The following NSG2 variants were observed in gnomAD, a reference collection of about 807,000 sequenced individuals.
NSG2 encodes the protein neuronal vesicle trafficking-associated protein 2.
NSG2 carries 4 observed loss-of-function variants against 16.9 expected under a neutral mutation model. The ratio of observed to expected loss-of-function variants is 0.24; its 90% CI spans 0.12 to 0.54. The LOEUF is 0.54. Among genes scored for constraint, NSG2 ranks in the 20% least tolerant of loss-of-function variants. The probability of loss-of-function intolerance (pLI) is 0.95; values close to 1 mark genes in which losing one functional copy is unlikely to be tolerated. For missense variants in NSG2, 179 were observed against 221.1 expected (o/e 0.81, Z 1.21); for synonymous variants, 98 against 88.7 (o/e 1.11, Z -0.59).
intron 2 of NSG2, among the ~76,000 whole-genome samples, chr5:174,057,471 A>G (rs1259583927): frequency 6.7e-6 from 1 of 148,490 alleles, no homozygotes. Flanking sequence ...TTCTGGCTCT[A>G]CTCCACAGGA....
chr5:174,076,191 G>T (rs1342705784), intron 3 of NSG2, among the ~76,000 whole-genome samples: 1 of 152,230 alleles, frequency 6.6e-6, no homozygotes, highest in Non-Finnish European at 1.5e-5. Flanking sequence ...TGATGATGGT[G>T]CTTGGGATGT....
intron 3 of NSG2, among the ~76,000 whole-genome samples, chr5:174,103,720 G>A (rs1052125749): frequency 2.0e-5 from 3 of 152,196 alleles, no homozygotes; most frequent in African/African-American, 7.2e-5. Flanking sequence ...GCCGAAGCAG[G>A]TGGATCACCT....
intron 3 of NSG2, among the ~76,000 whole-genome samples, chr5:174,096,272 C>T (rs1474982322): frequency 6.6e-6 from 1 of 152,186 alleles, no homozygotes; most frequent in Non-Finnish European, 1.5e-5. Context: ...TCTTGAAGAG[C>T]TGTGATCAGA....
chr5:174,096,381 T>G (rs1015935637), intron 3 of NSG2, among the ~76,000 whole-genome samples: 1 of 151,844 alleles, frequency 6.6e-6, no homozygotes, highest in Admixed American at 6.6e-5. Context: ...CTTGACAGGC[T>G]GAGGAGTGGG....
intron 2 of NSG2, among the ~76,000 whole-genome samples, chr5:174,048,088 G>A (rs1238606899): frequency 1.3e-5 from 2 of 152,188 alleles, no homozygotes; most frequent in Non-Finnish European, 2.9e-5. Flanking sequence ...GGGGTGGGGT[G>A]GCAGACAGAG....
chr5:174,093,139 T>C (rs1018864457), intron 3 of NSG2, among the ~76,000 whole-genome samples: 2 of 152,174 alleles, frequency 1.3e-5, no homozygotes, highest in Non-Finnish European at 2.9e-5. Flanking sequence ...CCCTCACATA[T>C]GTAAGGTCTT....
intron 2 of NSG2, among the ~76,000 whole-genome samples, chr5:174,048,315 G>A (rs1449614537): frequency 6.6e-6 from 1 of 152,196 alleles, no homozygotes; most frequent in Non-Finnish European, 1.5e-5. Context: ...TTGTATCAGA[G>A]TCTCTGAGAG....
chr5:174,067,437 G>A (rs1393271071), intron 3 of NSG2, among the ~76,000 whole-genome samples: 2 of 152,104 alleles, frequency 1.3e-5, no homozygotes, highest in East Asian at 1.9e-4. Context: ...CAGGGACCAG[G>A]GCCTGTAGAA....
intron 4 of NSG2, among the ~76,000 whole-genome samples, chr5:174,106,582 C>A (rs1447032228): frequency 1.5e-5 from 2 of 130,964 alleles, no homozygotes; most frequent in African/African-American, 6.2e-5. Context: ...AGGAATGAAG[C>A]CTTTTTTTTT....
At chr5:174,057,656 C>T (rs1193776615) in intron 2 of NSG2, among the ~76,000 whole-genome samples, 1 of 152,176 alleles carries the variant, frequency 6.6e-6, no homozygotes, top group South Asian at 2.1e-4. Flanking sequence ...TATAATCATT[C>T]CTCAGCTCTT....
chr5:174,056,971 A>T (rs1759976303), intron 2 of NSG2, among the ~76,000 whole-genome samples: 1 of 152,268 alleles, frequency 6.6e-6, no homozygotes, highest in African/African-American at 2.4e-5. Flanking sequence ...TGAATAATTT[A>T]TCCCATTTTC....
chr5:174,093,868 T>G (rs984694042), intron 3 of NSG2, among the ~76,000 whole-genome samples: 1 of 152,180 alleles, frequency 6.6e-6, no homozygotes, highest in East Asian at 1.9e-4. Flanking sequence ...GTTAATGAAG[T>G]TCATGTTTCC....
Position 174,108,272 on chromosome 5 carries a change from G to GATACGGCCAC in NSG2, c.*767_*768insATACGGCCAC. The GATACGGCCAC allele has an allele frequency of 6.4e-6, 1 of 155,610 alleles. No individual in the cohort carries two copies. Among genetic ancestry groups the GATACGGCCAC allele is most frequent in the Admixed American group, 6.2e-5 (1 of 16,136 alleles). The allele number at this position is 155,610 out of a possible 1,614,324, so 9.6% of individuals were successfully genotyped here. On this transcript the variant is annotated 3_prime_UTR_variant, in exon 5 of 5. Transcript: ENST00000303177. ...GGCAGATTTTCTTTGTCTTTTGCTT[G>GATACGGCCAC]CATTTTCTAGATCCACACCTGGATA... is the stretch of plus-strand genomic sequence containing the variant.
chr5:174,098,813 G>C (rs1760853074), intron 3 of NSG2, among the ~76,000 whole-genome samples: 1 of 152,160 alleles, frequency 6.6e-6, no homozygotes, highest in African/African-American at 2.4e-5. Flanking sequence ...AGGGGAGACG[G>C]GTGCAGAGAG....
intron 3 of NSG2, among the ~76,000 whole-genome samples, chr5:174,089,361 G>T (rs1197577111): frequency 6.6e-6 from 1 of 152,166 alleles, no homozygotes; most frequent in African/African-American, 2.4e-5. Context: ...GCAGTCCAAA[G>T]TGTACGCCGC....
At chr5:174,103,493 C>T (rs1467740164) in intron 3 of NSG2, among the ~76,000 whole-genome samples, 2 of 152,008 alleles carry the variant, frequency 1.3e-5, no homozygotes, top group South Asian at 4.2e-4. Flanking sequence ...CAAGTAGAGG[C>T]GAAAGAAGCA....
Position 174,107,242 on chromosome 5 carries a change from G to C in NSG2, c.325-72G>C. On this transcript the variant is annotated intron_variant, in intron 4 of 4. Transcript: ENST00000303177. The surrounding 1 kb of genome is among the most constrained non-coding windows in gnomAD (Gnocchi z 4.5). ...CCCGATGCAGCTGCACTCCAGTCAG[G>C]GTGGCTGTGTTGCTGGGCAGGTTGG... 2 of 1,368,834 alleles carry C rather than the reference G, an allele frequency of 1.5e-6. No homozygotes were observed. Among genetic ancestry groups the C allele is most frequent in the Non-Finnish European group, 2.0e-6 (2 of 1,006,980 alleles). The allele number at this position is 1,368,834 out of a possible 1,614,324, so 84.8% of individuals were successfully genotyped here.
chr5:174,071,175 C>G (rs921367953), intron 3 of NSG2, among the ~76,000 whole-genome samples: 1 of 152,124 alleles, frequency 6.6e-6, no homozygotes, highest in African/African-American at 2.4e-5. Flanking sequence ...TGAGGTGGGA[C>G]CAAGAACTGG....
chr5:174,052,975 A>G (rs908105272), intron 2 of NSG2, among the ~76,000 whole-genome samples: 3 of 152,216 alleles, frequency 2.0e-5, no homozygotes, highest in Non-Finnish European at 2.9e-5. Context: ...GGAGGAGGTC[A>G]CTTACCTGCT....
Sources: gnomAD v4.1 joint callset for allele counts (sites outside exome capture counted in the v4.1 genomes callset) on GRCh38, gnomAD v4.1.1 for gene constraint, Gnocchi (gnomAD v3.1) non-coding constraint, MANE v1.5 for transcripts, NCBI Gene and HGNC (gene_info 2026-07-23, HGNC 2026-07-21) for gene names.